CUX2: variants seen among roughly 807,000 people sequenced by gnomAD.
CUX2 encodes cut like homeobox 2, also known as homeobox protein cut-like 2.
Under a neutral mutation model 144.8 loss-of-function variants are expected in CUX2, and 40 were observed. That is an observed-to-expected ratio of 0.28 (90% CI 0.21 to 0.36). The LOEUF is 0.36. Ranked by LOEUF, CUX2 falls within the 10% of genes least tolerant of loss-of-function variation. CUX2 has a pLI of 1.00. For missense variants in CUX2, 1,615 were observed against 1,994.0 expected (o/e 0.81, Z 3.62); for synonymous variants, 827 against 875.6 (o/e 0.94, Z 0.98).
intron 1 of CUX2, among the ~76,000 whole-genome samples, chr12:111,132,058 C>T (rs1245075056): frequency 2.0e-5 from 3 of 152,368 alleles, no homozygotes; most frequent in African/African-American, 7.2e-5. Flanking sequence ...ATGAGGGCCC[C>T]ACCCCTGCAG....
At chr12:111,154,443 T>C (rs935907542) in intron 1 of CUX2, among the ~76,000 whole-genome samples, 3 of 152,158 alleles carry the variant, frequency 2.0e-5, no homozygotes, top group Admixed American at 6.5e-5. Context: ...AATCAGAGCC[T>C]TCTTTTCCTC....
intron 1 of CUX2, among the ~76,000 whole-genome samples, chr12:111,179,784 C>A (rs1390524483): frequency 6.6e-6 from 1 of 151,904 alleles, no homozygotes; most frequent in Non-Finnish European, 1.5e-5. Context: ...TCAAGTGGTT[C>A]TCCTGCCTCA....
chr12:111,267,214 AAAAG>A (rs1555209942), intron 4 of CUX2, among the ~76,000 whole-genome samples: 4 of 149,160 alleles, frequency 2.7e-5, no homozygotes, highest in Non-Finnish European at 5.9e-5. Flanking sequence ...AAAAAAAAAA[AAAAG>A]AAAGAAAGGG....
chr12:111,265,529 G>A (rs570510050), intron 4 of CUX2, among the ~76,000 whole-genome samples: 1 of 151,920 alleles, frequency 6.6e-6, no homozygotes, highest in South Asian at 2.1e-4. Flanking sequence ...TTTTAGTAGA[G>A]ACAGGGTTGC....
intron 16 of CUX2, among the ~76,000 whole-genome samples, chr12:111,317,459 C>T (rs1000082180): frequency 3.9e-5 from 6 of 152,030 alleles, no homozygotes; most frequent in Non-Finnish European, 5.9e-5. Context: ...TTCATTCATT[C>T]GTTCACTCAT....
chr12:111,161,029 G>A (rs1037241640), intron 1 of CUX2, among the ~76,000 whole-genome samples: 4 of 152,168 alleles, frequency 2.6e-5, no homozygotes, highest in Non-Finnish European at 5.9e-5. Flanking sequence ...TGGGTGGGTG[G>A]TGGAGCTCAG....
chr12:111,342,492 T>A (rs1228387298), intron 21 of CUX2, among the ~76,000 whole-genome samples: 1 of 150,202 alleles, frequency 6.7e-6, no homozygotes, highest in Non-Finnish European at 1.5e-5. Context: ...AAAAAAAAAT[T>A]TAAAACACAG....
intron 1 of CUX2, among the ~76,000 whole-genome samples, chr12:111,138,046 C>T (rs1004494005): frequency 6.6e-6 from 1 of 152,222 alleles, no homozygotes; most frequent in African/African-American, 2.4e-5. Context: ...GCCTGGACTG[C>T]TGAAAAGGTG....
chr12:111,199,446 G>A (rs143039057), intron 1 of CUX2, among the ~76,000 whole-genome samples: 9 of 152,268 alleles, frequency 5.9e-5, no homozygotes, highest in East Asian at 1.9e-4. Context: ...AGACTCAGGC[G>A]TTAGGATTTC....
intron 1 of CUX2, among the ~76,000 whole-genome samples, chr12:111,121,155 G>T (rs1874637748): frequency 6.6e-6 from 1 of 151,046 alleles, no homozygotes; most frequent in Non-Finnish European, 1.5e-5. Context: ...ATTTTTGAGG[G>T]GGTGAATCAT....
chr12:111,309,906 T>G, intron 14 of CUX2, 135 bp from the exon 15 acceptor site: 1 of 738,878 alleles, frequency 1.4e-6, no homozygotes, highest in Non-Finnish European at 1.9e-6. Flanking sequence ...TCTGATGTGG[T>G]TTCTCTCTCT....
chr12:111,227,729 C>G (rs1284412852), intron 3 of CUX2, among the ~76,000 whole-genome samples: 1 of 152,142 alleles, frequency 6.6e-6, no homozygotes, highest in Non-Finnish European at 1.5e-5. Context: ...GGCACACCCC[C>G]ACCCCAGGGG....
intron 1 of CUX2, among the ~76,000 whole-genome samples, chr12:111,184,766 GAA>G (rs1879410161): frequency 6.6e-6 from 1 of 151,766 alleles, no homozygotes. Flanking sequence ...CAAAAGAAAA[GAA>G]AATGACACAT....
At chr12:111,326,707 C>G (rs1887838775) in intron 18 of CUX2, among the ~76,000 whole-genome samples, 1 of 152,032 alleles carries the variant, frequency 6.6e-6, no homozygotes, top group Non-Finnish European at 1.5e-5. Flanking sequence ...AATTTGAGAC[C>G]AGCCTGGCCA....
chr12:111,257,200 C>T (rs2136282586), intron 3 of CUX2, among the ~76,000 whole-genome samples: 1 of 150,592 alleles, frequency 6.6e-6, no homozygotes, highest in African/African-American at 2.4e-5. Flanking sequence ...CCTCCCTCTT[C>T]CCTCCTCCTC....
chr12:111,168,335 A>C (rs539901396), intron 1 of CUX2, among the ~76,000 whole-genome samples: 7 of 150,548 alleles, frequency 4.6e-5, no homozygotes, highest in Non-Finnish European at 8.9e-5. Context: ...AGAAGATGTC[A>C]CAAGCCCTTC....
At chr12:111,330,714 T>TATATATATATATATAAATATAC in intron 18 of CUX2, among the ~76,000 whole-genome samples, 1 of 36,454 alleles carries the variant, frequency 2.7e-5, no homozygotes, top group Admixed American at 2.6e-4. Flanking sequence ...TATATATATA[T>TATATATATATATATAAATATAC]ATATATATAT....
intron 1 of CUX2, among the ~76,000 whole-genome samples, chr12:111,038,958 A>ATTT (rs975735644): frequency 1.3e-4 from 19 of 142,654 alleles, no homozygotes; most frequent in African/African-American, 4.9e-4. Context: ...TTTTTTCCTT[A>ATTT]TTTTTTTTTT....
chr12:111,256,284 C>A (rs1243160283), intron 3 of CUX2, among the ~76,000 whole-genome samples: 1 of 152,082 alleles, frequency 6.6e-6, no homozygotes, highest in Non-Finnish European at 1.5e-5. Flanking sequence ...GATCTGCATG[C>A]CCTAAAGGAA....
Sources: allele counts gnomAD v4.1 joint callset (sites outside exome capture counted in the v4.1 genomes callset), GRCh38; gene constraint gnomAD v4.1.1; transcripts MANE v1.5; gene names NCBI Gene and HGNC (gene_info 2026-07-23, HGNC 2026-07-21).